Variants in CIMAP2 observed in about 807,000 individuals in gnomAD.
The protein encoded by CIMAP2 is ciliary microtubule-associated protein 2.
At chr1:54,815,077 C>G in the CIMAP2 span, 1 of 1,610,132 alleles carries the variant, frequency 6.2e-7, no homozygotes, top group South Asian at 1.1e-5. Flanking sequence ...TGGGAACTCT[C>G]TCCTGCCTCT....
the CIMAP2 span, chr1:54,841,839 C>T: frequency 3.2e-6 from 5 of 1,554,450 alleles, no homozygotes; most frequent in Non-Finnish European, 3.5e-6. Context: ...AAGTGCCCTC[C>T]AACTGTGGAT....
the CIMAP2 span, among the ~76,000 whole-genome samples, chr1:54,821,886 C>CTTTTTTTTTTTT: frequency 9.0e-5 from 6 of 66,550 alleles, no homozygotes; most frequent in African/African-American, 1.2e-4. Flanking sequence ...CCTCTTATTT[C>CTTTTTTTTTTTT]TTTTTTTTTT....
the CIMAP2 span, among the ~76,000 whole-genome samples, chr1:54,811,030 G>T: frequency 2.0e-5 from 3 of 152,154 alleles, no homozygotes; most frequent in African/African-American, 7.2e-5. Flanking sequence ...CCCCAAGCAC[G>T]TGCCATTCCA....
the CIMAP2 span, among the ~76,000 whole-genome samples, chr1:54,834,688 A>G: frequency 6.6e-6 from 1 of 152,196 alleles, no homozygotes; most frequent in African/African-American, 2.4e-5. Flanking sequence ...AAATTCATTT[A>G]TGTTTCATAC....
chr1:54,836,793 G>A, the CIMAP2 span, among the ~76,000 whole-genome samples: 4 of 151,994 alleles, frequency 2.6e-5, no homozygotes, highest in Non-Finnish European at 5.9e-5. Flanking sequence ...AGCCTGGCCT[G>A]ATCAGGGATG....
chr1:54,811,885 G>A, the CIMAP2 span: 1 of 1,613,540 alleles, frequency 6.2e-7, no homozygotes, highest in South Asian at 1.1e-5. Flanking sequence ...CATTCCGAGG[G>A]CCTCATGTGC....
At chr1:54,834,150 T>A in the CIMAP2 span, among the ~76,000 whole-genome samples, 2 of 152,246 alleles carry the variant, frequency 1.3e-5, no homozygotes, top group South Asian at 4.1e-4. Context: ...TGATTTGTTC[T>A]TGAAACATCT....
At chr1:54,826,805 A>G in the CIMAP2 span, among the ~76,000 whole-genome samples, 1 of 152,094 alleles carries the variant, frequency 6.6e-6, no homozygotes, top group Non-Finnish European at 1.5e-5. Context: ...TTCTCCTTCC[A>G]TGCCTCAGAA....
At chr1:54,818,758 AT>A in the CIMAP2 span, among the ~76,000 whole-genome samples, 1 of 90,582 alleles carries the variant, frequency 1.1e-5, no homozygotes, top group South Asian at 5.4e-4. Flanking sequence ...CACCCGGCTA[AT>A]TTTTGTTATT....
chr1:54,815,945 G>A, the CIMAP2 span, among the ~76,000 whole-genome samples: 3 of 151,502 alleles, frequency 2.0e-5, no homozygotes, highest in Non-Finnish European at 4.4e-5. Context: ...GGTCCTCAGT[G>A]TGCCCAGACC....
At chr1:54,817,586 A>C in the CIMAP2 span, among the ~76,000 whole-genome samples, 1 of 152,222 alleles carries the variant, frequency 6.6e-6, no homozygotes, top group East Asian at 1.9e-4. Flanking sequence ...GGTACATTAA[A>C]TACTGTGGCA....
the CIMAP2 span, among the ~76,000 whole-genome samples, chr1:54,820,430 G>A: frequency 1.9e-4 from 29 of 151,792 alleles, no homozygotes; most frequent in South Asian, 4.2e-4. Flanking sequence ...CTCCCACCTC[G>A]GCCTCCCAAA....
At chr1:54,833,141 T>C in the CIMAP2 span, among the ~76,000 whole-genome samples, 1 of 152,182 alleles carries the variant, frequency 6.6e-6, no homozygotes, top group African/African-American at 2.4e-5. Flanking sequence ...CCAGTCTGAT[T>C]GCGGGTGTAA....
chr1:54,841,986 G>A, the CIMAP2 span: 4 of 1,108,796 alleles, frequency 3.6e-6, no homozygotes, highest in Admixed American at 6.5e-5. Context: ...AGGACACATG[G>A]GCTTGGGAGA....
the CIMAP2 span, chr1:54,811,773 G>GCCTC: frequency 7.5e-6 from 10 of 1,325,050 alleles, no homozygotes; most frequent in South Asian, 3.9e-5. Context: ...CAGCCTCCAT[G>GCCTC]CCCCCACCCC....
At chr1:54,821,651 G>T in the CIMAP2 span, among the ~76,000 whole-genome samples, 1 of 151,808 alleles carries the variant, frequency 6.6e-6, no homozygotes, top group Non-Finnish European at 1.5e-5. Flanking sequence ...ATATTTTTTG[G>T]CAGCTATTGT....
chr1:54,811,828 A>C, the CIMAP2 span: 3 of 1,539,148 alleles, frequency 1.9e-6, no homozygotes, highest in Non-Finnish European at 2.6e-6. Context: ...TATGGGGAGA[A>C]GGGTAACCCA....
the CIMAP2 span, chr1:54,812,084 C>A: frequency 2.5e-6 from 4 of 1,614,172 alleles, no homozygotes; most frequent in South Asian, 1.1e-5. Context: ...TCTTCAAAAG[C>A]GACCTTGAGA....
the CIMAP2 span, chr1:54,807,600 C>T: frequency 6.2e-7 from 1 of 1,608,988 alleles, no homozygotes; most frequent in Non-Finnish European, 8.5e-7. Flanking sequence ...AGGAGGTGGA[C>T]ACAGGCTGGG....
Sources: gnomAD v4.1 joint callset for allele counts (sites outside exome capture counted in the v4.1 genomes callset) on GRCh38, gnomAD v4.1.1 for gene constraint, MANE v1.5 for transcripts, NCBI Gene and HGNC (gene_info 2026-07-23, HGNC 2026-07-21) for gene names.